The following CEP290 variants were observed in gnomAD, a reference collection of about 807,000 sequenced individuals.
The protein encoded by CEP290 is centrosomal protein 290.
Under a neutral mutation model 344.9 loss-of-function variants are expected in CEP290, and 317 were observed. That is an observed-to-expected ratio of 0.92 (90% CI 0.84 to 1.01). The LOEUF (loss-of-function observed/expected upper bound fraction) is 1.01. Among genes scored for constraint, CEP290 ranks in the 50% least tolerant of loss-of-function variants. CEP290 has a pLI of 0.00. For missense variants in CEP290, 2,754 were observed against 2,761.4 expected (o/e 1.00, Z 0.06); for synonymous variants, 932 against 895.8 (o/e 1.04, Z -0.72).
intron 49 of CEP290, 50 bp from the exon 50 acceptor site, chr12:88,055,767 C>T (rs2033952176): frequency 1.6e-6 from 2 of 1,271,398 alleles, no homozygotes; most frequent in South Asian, 1.5e-5. Context: ...ATTTATGTCA[C>T]TGATTTAAAA....
chr12:88,128,006 T>C (rs887747514), intron 11 of CEP290, among the ~76,000 whole-genome samples: 4 of 152,198 alleles, frequency 2.6e-5, no homozygotes, highest in African/African-American at 9.7e-5. Context: ...ACAACTGTTT[T>C]TTCCAGGGGT....
At position 88,125,384 on chromosome 12, in the gene CEP290, A is replaced by G; in HGVS notation, c.1066-15T>C. On this transcript the variant is annotated splice_polypyrimidine_tract_variant and intron_variant, in intron 12 of 53. Coordinates refer to ENST00000552810, the MANE Select transcript of CEP290 (RefSeq NM_025114.4). ...TCCTGTATACCCTATAAAATATTTT[A>G]AAACAATATATATCCCTTCATGAAT... The G allele has an allele frequency of 8.2e-7, 1 of 1,226,848 alleles. No homozygotes were observed. Among genetic ancestry groups the G allele is most frequent in the Non-Finnish European group, 1.1e-6 (1 of 948,526 alleles). 76.0% of individuals were successfully genotyped at this position (1,226,848 alleles called of 1,614,324 possible).
At position 88,083,092 on chromosome 12, in the gene CEP290, A is replaced by T. The variant is rs768242741; in HGVS notation, c.4951T>A (p.Leu1651Met). 1 of 1,534,956 alleles carries T rather than the reference A, an allele frequency of 6.5e-7. No individual in the cohort carries two copies. Among genetic ancestry groups the T allele is most frequent in the South Asian group, 1.3e-5 (1 of 79,576 alleles). The change falls in exon 37 of 54, where the codon TTG becomes ATG. Residue 1651 changes from leucine (L) to methionine (M), a missense_variant. By Grantham distance (15) the Leu-to-Met change is conservative (BLOSUM62 2). Coordinates refer to ENST00000552810, the MANE Select transcript of CEP290 (RefSeq NM_025114.4). ...LVKLKKVSQD[L>M]ERQREITELK... ...TCAGTGATTTCTCTTTGTCTCTCCA[A>T]ATCTTGTGATACTTTCTTTAGTTTG...
intron 32 of CEP290, among the ~76,000 whole-genome samples, chr12:88,087,284 C>T (rs1242765005): frequency 1.3e-5 from 2 of 151,696 alleles, no homozygotes; most frequent in Admixed American, 1.3e-4. Context: ...TATGTATTGC[C>T]GTTTTTAAGA....
intron 25 of CEP290, chr12:88,103,442 C>T (rs987294860): frequency 2.0e-5 from 3 of 153,046 alleles, no homozygotes; most frequent in African/African-American, 7.2e-5. Context: ...GTTAAACGGA[C>T]TAGCTTTAAT....
intron 44 of CEP290, among the ~76,000 whole-genome samples, chr12:88,065,676 G>A (rs1184268798): frequency 6.6e-6 from 1 of 152,034 alleles, no homozygotes; most frequent in Admixed American, 6.6e-5. Context: ...ATCACTGATT[G>A]GTAGATATAA....
intron 14 of CEP290, among the ~76,000 whole-genome samples, chr12:88,120,726 A>T (rs1235633827): frequency 6.6e-6 from 1 of 152,164 alleles, no homozygotes; most frequent in East Asian, 1.9e-4. Flanking sequence ...ATGGTGGCCC[A>T]ATGAACACAG....
At chr12:88,102,026 C>T (rs1217951050) in intron 26 of CEP290, among the ~76,000 whole-genome samples, 5 of 152,098 alleles carry the variant, frequency 3.3e-5, no homozygotes, top group Non-Finnish European at 7.4e-5. Context: ...CCAGCAAAAG[C>T]TTTTGAGCTA....
Position 88,086,445 on chromosome 12 carries a change from G to A in CEP290, c.4248C>T (p.Arg1416=). Residue 1416 remains arginine, a synonymous_variant, in exon 33 of 54, where the codon CGC becomes CGT. Transcript: ENST00000552810. ...AWDQREVDLE[R]QLDIFDRQQN... ...GCTGACGGTCAAAAATGTCTAGTTG[G>A]CGTTCCAGGTCAACTTCTCTTTGAT... 1 of 1,600,634 alleles carries A rather than the reference G, an allele frequency of 6.2e-7. No homozygotes were observed.
rs745440199 is a variant in CEP290 at position 88,086,539 on chromosome 12, C to T, written c.4195-41G>A. On this transcript the variant is annotated intron_variant, in intron 32 of 53. Transcript: ENST00000552810. ...TTTGTGTCAGACACATACACGAAGA[C>T]ATCAGGCACATAACAGGCATTTTAT... The T allele has an allele frequency of 2.2e-6, 3 of 1,352,738 alleles. No homozygotes were observed. In the South Asian group the frequency reaches 3.9e-5, roughly 18 times the overall value. 83.8% of individuals were successfully genotyped at this position (1,352,738 alleles called of 1,614,324 possible).
chr12:88,083,851 GC>G lies in CEP290; in HGVS notation c.4807del (p.Ala1603LeufsTer4). On this transcript the variant is annotated frameshift_variant, in exon 36 of 54. Coordinates refer to ENST00000552810, the MANE Select transcript of CEP290 (RefSeq NM_025114.4). LOFTEE classifies it high-confidence loss of function. ...ACAAAGTTCTTAGAATCTTACCCAA[GC>G]CGTTTGTTTGAATTTATTTAGTGAA... is the stretch of plus-strand genomic sequence containing the variant. ...DSSLNKFKQT[A>X]WDLMKQSPTP... 1 of 1,559,690 alleles carries G rather than the reference GC, an allele frequency of 6.4e-7. No individual in the cohort carries two copies. Among genetic ancestry groups the G allele is most frequent in the Non-Finnish European group, 8.7e-7 (1 of 1,145,092 alleles).
At chr12:88,106,567 T>C in intron 25 of CEP290, 108 bp downstream of exon 25, 1 of 676,904 alleles carries the variant, frequency 1.5e-6, no homozygotes, top group South Asian at 2.4e-5. Flanking sequence ...AAAATGTTAA[T>C]AAATGTTAAC....
rs150405616 is a variant in CEP290 at position 88,104,778 on chromosome 12, A to C, written c.2818-1767T>G. Among the ~76,000 whole-genome samples the C allele has an allele frequency of 1.6e-4, 24 of 152,210 alleles. No individual in the cohort carries two copies. In the East Asian group the frequency reaches 2.1e-3, roughly 13 times the overall value. ...TGGCAGCAGTGCTGTTGTTGTTACT[A>C]TTAATATCAATTCAAGTATTATTTT... On this transcript the variant is annotated intron_variant, in intron 25 of 53. Transcript: ENST00000552810.
intron 20 of CEP290, among the ~76,000 whole-genome samples, chr12:88,113,858 A>G (rs2038869966): frequency 6.6e-6 from 1 of 152,008 alleles, no homozygotes; most frequent in Admixed American, 6.6e-5. Context: ...TAAGAGATCT[A>G]CACTCCCATA....
At position 88,097,584 on chromosome 12, in the gene CEP290, CAT is replaced by C. The variant is rs1202162555; in HGVS notation, c.2992-587_2992-586del. On this transcript the variant is annotated intron_variant, in intron 26 of 53. Coordinates refer to ENST00000552810, the MANE Select transcript of CEP290 (RefSeq NM_025114.4). ...GAGAACGGACTAATACACATACATA[CAT>C]ATATATATACACACACACACACATA... Among the ~76,000 whole-genome samples, 69 of 135,558 alleles carry C rather than the reference CAT, an allele frequency of 5.1e-4. 1 individual carries two copies. In the East Asian group the frequency reaches 9.9e-3, roughly 19 times the overall value. 88.9% of individuals were successfully genotyped at this position (135,558 alleles called of 152,430 possible). A position where few individuals can be genotyped will look rare whatever the true frequency, so the allele number is the denominator to read the frequency against.
intron 44 of CEP290, among the ~76,000 whole-genome samples, chr12:88,067,076 A>G (rs2034994200): frequency 6.6e-6 from 1 of 152,212 alleles, no homozygotes; most frequent in Non-Finnish European, 1.5e-5. Context: ...AATTTTACTG[A>G]TATAATTCGC....
In CEP290 at chr12:88,083,110, T is replaced by A. The variant is rs773390201; in HGVS notation, c.4933A>T (p.Lys1645Ter). Residue 1645 changes from lysine to a stop codon, truncating the protein, a stop_gained, in exon 37 of 54, where the codon AAG (lysine) becomes TAG (stop). Transcript: ENST00000552810. LOFTEE classifies it high-confidence loss of function. ...CTCTCCAAATCTTGTGATACTTTCT[T>A]TAGTTTGACCAAGAGTGAGGAAAGA... ...DSLSSLLVKL[K>*]KVSQDLERQR... The A allele has an allele frequency of 1.9e-6, 3 of 1,543,090 alleles. No homozygotes were observed. In the South Asian group the frequency reaches 3.7e-5, roughly 19 times the overall value.
chr12:88,077,787 G>C lies in CEP290; in HGVS notation c.5496C>G (p.Ala1832=), dbSNP rs1451928524. The change falls in exon 40 of 54, where the codon GCC becomes GCG. Residue 1832 remains alanine, a synonymous_variant. Coordinates refer to ENST00000552810, the MANE Select transcript of CEP290 (RefSeq NM_025114.4). ...CTTTCTCTCTAAGTATTTTATTATA[G>C]GCTTTTTGTTTCTTTTGCAGTTCAT... ...LNNELQKKQK[A]YNKILREKEE... 1 of 1,571,430 alleles carries C rather than the reference G, an allele frequency of 6.4e-7. No homozygotes were observed.
intron 18 of CEP290, 77 bp from the exon 19 acceptor site, chr12:88,115,259 G>A: frequency 2.4e-6 from 2 of 849,934 alleles, no homozygotes; most frequent in Non-Finnish European, 3.6e-6. Flanking sequence ...GTTAAGAAAA[G>A]TTTGATCAAT....
Sources: allele counts gnomAD v4.1 joint callset (sites outside exome capture counted in the v4.1 genomes callset), GRCh38; gene constraint gnomAD v4.1.1; transcripts MANE v1.5; gene names NCBI Gene and HGNC (gene_info 2026-07-23, HGNC 2026-07-21).